The following DIAPH2 variants were observed in gnomAD, a reference collection of about 807,000 sequenced individuals.
DIAPH2 encodes the protein diaphanous related formin 2, also known as protein diaphanous homolog 2.
In DIAPH2, 35 loss-of-function variants were observed where a neutral mutation model predicts 92.7. The ratio of observed to expected loss-of-function variants is 0.38; its 90% CI spans 0.29 to 0.50. The LOEUF (loss-of-function observed/expected upper bound fraction) is 0.50. DIAPH2 is among the 20% of genes least tolerant of loss of function. The pLI is 0.94. For missense variants in DIAPH2, 701 were observed against 819.5 expected (o/e 0.86, Z 1.77); for synonymous variants, 301 against 280.4 (o/e 1.07, Z -0.73).
intron 26 of DIAPH2, among the ~76,000 whole-genome samples, chrX:97,597,703 T>A (rs988433980): frequency 8.9e-6 from 1 of 111,817 alleles, no homozygotes; most frequent in African/African-American, 3.3e-5. Flanking sequence ...AGAAAACCAA[T>A]CTGTATGCAA....
At chrX:97,064,436 C>A (rs2066620479) in intron 17 of DIAPH2, among the ~76,000 whole-genome samples, 1 of 110,604 alleles carries the variant, frequency 9.0e-6, no homozygotes, top group Non-Finnish European at 1.9e-5. Context: ...GACATAATCT[C>A]CAACCCTCTC....
chrX:96,904,618 A>G (rs1254875412), intron 5 of DIAPH2, among the ~76,000 whole-genome samples: 1 of 111,638 alleles, frequency 9.0e-6, no homozygotes, highest in Non-Finnish European at 1.9e-5. Flanking sequence ...GGAAAATACT[A>G]AGGTTTACTT....
intron 22 of DIAPH2, among the ~76,000 whole-genome samples, chrX:97,242,597 C>T (rs2068105419): frequency 9.2e-6 from 1 of 108,924 alleles, no homozygotes; most frequent in South Asian, 4.1e-4. Context: ...AACTCCTGAC[C>T]TCAAACGATC....
At chrX:96,930,989 A>T (rs1376001873) in intron 10 of DIAPH2, 146 bp downstream of exon 10, 10 of 552,277 alleles carry the variant, frequency 1.8e-5, no homozygotes, top group Non-Finnish European at 2.6e-5. Context: ...TTTGTATTCC[A>T]GTAATAGCAT....
intron 26 of DIAPH2, among the ~76,000 whole-genome samples, chrX:97,477,050 C>T (rs1412133962): frequency 9.8e-6 from 1 of 101,601 alleles, no homozygotes; most frequent in Admixed American, 1.1e-4. Flanking sequence ...CTTTTTATGG[C>T]CTCGTGCAGT....
intron 20 of DIAPH2, among the ~76,000 whole-genome samples, chrX:97,104,929 G>A (rs921992769): frequency 4.5e-4 from 50 of 111,879 alleles, no homozygotes; most frequent in Non-Finnish European, 8.3e-4. Context: ...TTGAGCCCAG[G>A]AATTCGAGAC....
intron 4 of DIAPH2, among the ~76,000 whole-genome samples, chrX:96,863,603 T>C (rs2147726855): frequency 9.0e-6 from 1 of 110,900 alleles, no homozygotes; most frequent in South Asian, 3.8e-4. Flanking sequence ...ATTCTGTACC[T>C]AGAGTTTTTT....
At chrX:97,008,090 A>G (rs1020710410) in intron 17 of DIAPH2, among the ~76,000 whole-genome samples, 1 of 100,441 alleles carries the variant, frequency 1.0e-5, no homozygotes, top group Non-Finnish European at 2.0e-5. Context: ...TCTAGTAGGC[A>G]TGCGTCATTC....
chrX:97,037,664 G>C (rs2066420110), intron 17 of DIAPH2, among the ~76,000 whole-genome samples: 1 of 111,294 alleles, frequency 9.0e-6, no homozygotes, highest in African/African-American at 3.3e-5. Context: ...CCCTATGTCT[G>C]CGGTTTTTCG....
At chrX:97,271,168 A>C (rs2068383471) in intron 23 of DIAPH2, among the ~76,000 whole-genome samples, 1 of 111,299 alleles carries the variant, frequency 9.0e-6, no homozygotes. Flanking sequence ...ACAGGATTAC[A>C]AACCTGTGGG....
chrX:96,767,038 C>T lies in DIAPH2; in HGVS notation c.447+8780C>T, dbSNP rs765809496. On this transcript the variant is annotated intron_variant, in intron 4 of 26. Transcript: ENST00000324765. ...TTCTAGCCATCCTCCACAGCTCTTCCATGAAGCCTGTCTTGATCTTGATCC... is the reference window on the plus strand; with the variant it reads ...TTCTAGCCATCCTCCACAGCTCTTCTATGAAGCCTGTCTTGATCTTGATCC... Among the ~76,000 whole-genome samples, 4 of 111,657 alleles carry T rather than the reference C, an allele frequency of 3.6e-5. No individual in the cohort carries two copies. In the South Asian group the frequency reaches 1.5e-3, roughly 42 times the overall value.
intron 17 of DIAPH2, among the ~76,000 whole-genome samples, chrX:97,006,541 T>C (rs1434584855): frequency 8.9e-6 from 1 of 112,292 alleles, no homozygotes; most frequent in Non-Finnish European, 1.9e-5. Context: ...TGACCTTGTC[T>C]CTCTCTTCTT....
intron 26 of DIAPH2, among the ~76,000 whole-genome samples, chrX:97,434,575 A>G (rs868687291): frequency 9.4e-6 from 1 of 106,026 alleles, no homozygotes; most frequent in Non-Finnish European, 1.9e-5. Context: ...CACCCAGCTA[A>G]TTTTTTTTTA....
chrX:97,060,076 G>A (rs1396138342), intron 17 of DIAPH2, among the ~76,000 whole-genome samples: 2 of 112,324 alleles, frequency 1.8e-5, no homozygotes, highest in Non-Finnish European at 3.8e-5. Context: ...CAAATTTTAC[G>A]TATTTACTTC....
At chrX:96,714,763 C>A (rs2063939792) in intron 1 of DIAPH2, among the ~76,000 whole-genome samples, 1 of 111,783 alleles carries the variant, frequency 8.9e-6, no homozygotes, top group Admixed American at 9.5e-5. Context: ...TATCAATGTT[C>A]TTTTTTTCCA....
At chrX:97,361,793 T>C (rs1360049167) in intron 24 of DIAPH2, among the ~76,000 whole-genome samples, 1 of 111,843 alleles carries the variant, frequency 8.9e-6, no homozygotes, top group Non-Finnish European at 1.9e-5. Flanking sequence ...AAGCTTTTTT[T>C]TCAATTAGGG....
At position 97,351,589 on chromosome X, in the gene DIAPH2, G is replaced by A. The variant is rs1174838185; in HGVS notation, c.3009+3309G>A. ...CCAGCACTTTGGGAGGCCGAGGCGG[G>A]TGGATCACAAGGTCAAGAGATCGAG... On this transcript the variant is annotated intron_variant, in intron 24 of 26. Coordinates refer to ENST00000324765, the MANE Select transcript of DIAPH2 (RefSeq NM_006729.5). 1.5e-4 allele frequency among the ~76,000 whole-genome samples: 17 copies of A among 111,649 alleles called. No individual in the cohort carries two copies. In the Admixed American group the frequency reaches 1.6e-3, roughly 11 times the overall value.
intron 22 of DIAPH2, among the ~76,000 whole-genome samples, chrX:97,158,078 T>C (rs750236668): frequency 1.8e-5 from 2 of 112,116 alleles, no homozygotes; most frequent in Admixed American, 9.5e-5. Flanking sequence ...GCTTTTTTGC[T>C]TGCTTCTCTA....
chrX:96,934,986 G>C (rs1336020254), intron 10 of DIAPH2, among the ~76,000 whole-genome samples: 4 of 111,700 alleles, frequency 3.6e-5, no homozygotes. Flanking sequence ...CTGTTAATCA[G>C]CAGTGTACTG....
Sources: allele counts gnomAD v4.1 joint callset (sites outside exome capture counted in the v4.1 genomes callset), GRCh38; gene constraint gnomAD v4.1.1; transcripts MANE v1.5; gene names NCBI Gene and HGNC (gene_info 2026-07-23, HGNC 2026-07-21).